Variants in PEAK1 observed in about 807,000 individuals in gnomAD.
The protein encoded by PEAK1 is pseudopodium enriched atypical kinase 1.
PEAK1 carries 54 observed loss-of-function variants against 124.7 expected under a neutral mutation model. That is an observed-to-expected ratio of 0.43 (90% CI 0.35 to 0.54). The LOEUF (loss-of-function observed/expected upper bound fraction) is 0.54, where lower values mean the gene tolerates loss of function less well. Among genes scored for constraint, PEAK1 ranks in the 20% least tolerant of loss-of-function variants. The pLI is 0.01. For missense variants in PEAK1, 2,046 were observed against 2,134.5 expected (o/e 0.96, Z 0.82); for synonymous variants, 719 against 760.0 (o/e 0.95, Z 0.89).
chr15:77,350,403 T>C (rs1348100316), intron 2 of PEAK1: 2 of 985,266 alleles, frequency 2.0e-6, no homozygotes, highest in African/African-American at 3.5e-5. Flanking sequence ...GCAAGGACTA[T>C]CACTGAATAG....
intron 6 of PEAK1, among the ~76,000 whole-genome samples, chr15:77,197,723 C>G (rs2058176015): frequency 6.6e-6 from 1 of 152,118 alleles, no homozygotes; most frequent in Non-Finnish European, 1.5e-5. Context: ...GAACTAAGAA[C>G]TCTGACTAAC....
chr15:77,174,785 C>T (rs1596468498), intron 7 of PEAK1, among the ~76,000 whole-genome samples: 1 of 152,182 alleles, frequency 6.6e-6, no homozygotes, highest in Non-Finnish European at 1.5e-5. Context: ...AAAGAGCCCG[C>T]ATTGCCAAGT....
intron 1 of PEAK1, among the ~76,000 whole-genome samples, chr15:77,388,907 ATTAAC>A (rs1486575729): frequency 1.3e-5 from 2 of 148,952 alleles, no homozygotes; most frequent in South Asian, 2.1e-4. Context: ...TTCCACATTT[ATTAAC>A]TTAACTTTCT....
chr15:77,160,066 G>T (rs1037000164), intron 7 of PEAK1, among the ~76,000 whole-genome samples: 1 of 151,898 alleles, frequency 6.6e-6, no homozygotes, highest in African/African-American at 2.4e-5. Flanking sequence ...TATAAAGGAG[G>T]CCTCACACAG....
At chr15:77,369,565 C>T (rs1178746694) in intron 1 of PEAK1, among the ~76,000 whole-genome samples, 2 of 152,040 alleles carry the variant, frequency 1.3e-5, no homozygotes, top group African/African-American at 2.4e-5. Context: ...ATGGTTTTTA[C>T]GTATTTAAAG....
intron 6 of PEAK1, among the ~76,000 whole-genome samples, chr15:77,210,986 C>T (rs2058877595): frequency 6.6e-6 from 1 of 152,322 alleles, no homozygotes; most frequent in East Asian, 1.9e-4. Flanking sequence ...CCAGGGTTTT[C>T]TACTTCTAGA....
At chr15:77,416,574 C>A (rs2072900416) in intron 1 of PEAK1, among the ~76,000 whole-genome samples, 1 of 152,170 alleles carries the variant, frequency 6.6e-6, no homozygotes, top group Non-Finnish European at 1.5e-5. Context: ...TAAATCCCCG[C>A]AACTTTTGGA....
intron 1 of PEAK1, among the ~76,000 whole-genome samples, chr15:77,406,804 T>C (rs1386406304): frequency 2.0e-5 from 3 of 151,754 alleles, no homozygotes; most frequent in African/African-American, 7.3e-5. Context: ...AAAAAAGAGC[T>C]CACATAGCCA....
chr15:77,180,972 C>T lies in PEAK1; in HGVS notation c.955G>A (p.Gly319Ser), dbSNP rs1028068945. Residue 319 changes from glycine to serine, a missense_variant, in exon 7 of 10, where the codon GGT (glycine) becomes AGT (serine). Physicochemically the swap from Gly to Ser is moderately conservative, Grantham distance 56 (BLOSUM62 0). Transcript: ENST00000682557. Reference sequence around the variant, plus strand: ...GAGACCACAGAATTTTCCTCATAACCATTCAGGATTTCATCATAGCTGTCA... The same window carrying T: ...GAGACCACAGAATTTTCCTCATAACTATTCAGGATTTCATCATAGCTGTCA... ...YDDSYDEILN[G>S]YEENSVVSYG... 1.9e-6 allele frequency: 3 copies of T among 1,614,124 alleles called. No homozygotes were observed. Among genetic ancestry groups the T allele is most frequent in the South Asian group, 1.1e-5 (1 of 91,074 alleles).
chr15:77,323,078 C>G (rs1379583558), intron 2 of PEAK1, among the ~76,000 whole-genome samples: 1 of 151,996 alleles, frequency 6.6e-6, no homozygotes, highest in Non-Finnish European at 1.5e-5. Flanking sequence ...TGACAAAATT[C>G]AACAACCTTC....
At chr15:77,352,810 A>G in intron 2 of PEAK1, 1 of 984,974 alleles carries the variant, frequency 1.0e-6, no homozygotes, top group Non-Finnish European at 1.2e-6. Context: ...AAGCAATTTG[A>G]AGATAGATGT....
intron 6 of PEAK1, among the ~76,000 whole-genome samples, chr15:77,187,447 A>G (rs2057603212): frequency 6.6e-6 from 1 of 152,196 alleles, no homozygotes; most frequent in African/African-American, 2.4e-5. Context: ...AATACAAAAA[A>G]ACAACAAACA....
intron 6 of PEAK1, among the ~76,000 whole-genome samples, chr15:77,229,277 T>A (rs2059805122): frequency 6.6e-6 from 1 of 152,198 alleles, no homozygotes; most frequent in African/African-American, 2.4e-5. Flanking sequence ...TGGCTAGTAA[T>A]AACCTGCAGA....
chr15:77,125,355 T>TA (rs1361880013), intron 9 of PEAK1, among the ~76,000 whole-genome samples: 1 of 152,140 alleles, frequency 6.6e-6, no homozygotes, highest in Non-Finnish European at 1.5e-5. Context: ...CTCAGAAAAT[T>TA]AAAGTAGAAA....
chr15:77,179,102 T>A lies in PEAK1; in HGVS notation c.2825A>T (p.Asp942Val). The change falls in exon 7 of 10, where the codon GAC becomes GTC. Residue 942 changes from aspartate (D) to valine (V), a missense_variant. Physicochemically the swap from Asp to Val is radical, Grantham distance 152. Transcript: ENST00000682557. ...FRRRKTDEED[D>V]KEKEREKGKL... ...CCCTTTCTCTCGCTCTTTCTCTTTGTCATCCTCCTCATCTGTTTTCCGACG... is the reference window on the plus strand; with the variant it reads ...CCCTTTCTCTCGCTCTTTCTCTTTGACATCCTCCTCATCTGTTTTCCGACG... The A allele has an allele frequency of 6.2e-7, 1 of 1,614,214 alleles. No homozygotes were observed. The highest frequency in any genetic ancestry group is 8.5e-7 in the Non-Finnish European group (1 of 1,180,040).
In PEAK1 at chr15:77,133,651, G is replaced by A; in HGVS notation, c.3431C>T (p.Ala1144Val). Residue 1144 changes from alanine (A) to valine (V), a missense_variant, in exon 9 of 10, where the codon GCA (alanine) becomes GTA (valine). By Grantham distance (64) the Ala-to-Val change is moderately conservative (BLOSUM62 0). Coordinates refer to ENST00000682557, the MANE Select transcript of PEAK1 (RefSeq NM_001385026.1). This position sits in a 1 kb window ranked among gnomAD's most constrained non-coding sequence, Gnocchi z 4.2. ...TGGTGTAGGTTGGGAAGCATTGGGTGCTTCTTGGTCTGTTTTCCCTCCAAA... is the reference window on the plus strand; with the variant it reads ...TGGTGTAGGTTGGGAAGCATTGGGTACTTCTTGGTCTGTTTTCCCTCCAAA... ...IAFGGKTDQE[A>V]PNASQPTPPP... 2 of 1,614,144 alleles carry A rather than the reference G, an allele frequency of 1.2e-6. No homozygotes were observed. Among genetic ancestry groups the A allele is most frequent in the Non-Finnish European group, 1.7e-6 (2 of 1,180,022 alleles).
At chr15:77,150,593 T>C (rs994721058) in intron 8 of PEAK1, among the ~76,000 whole-genome samples, 16 of 152,046 alleles carry the variant, frequency 1.1e-4, no homozygotes, top group Admixed American at 2.0e-4. Context: ...ACATGTGCCA[T>C]GTTGGTGTGC....
At chr15:77,400,160 T>A (rs888413563) in intron 1 of PEAK1, among the ~76,000 whole-genome samples, 1 of 152,120 alleles carries the variant, frequency 6.6e-6, no homozygotes, top group African/African-American at 2.4e-5. Context: ...CAATAATAAC[T>A]GCCGGCAAGA....
chr15:77,237,958 T>C (rs1185068947), intron 6 of PEAK1, among the ~76,000 whole-genome samples: 4 of 152,210 alleles, frequency 2.6e-5, no homozygotes, highest in Admixed American at 2.6e-4. Flanking sequence ...TTCAAACTGA[T>C]TTGAGAGGCT....
Sources: gnomAD v4.1 joint callset for allele counts (sites outside exome capture counted in the v4.1 genomes callset) on GRCh38, gnomAD v4.1.1 for gene constraint, Gnocchi (gnomAD v3.1) non-coding constraint, MANE v1.5 for transcripts, NCBI Gene and HGNC (gene_info 2026-07-23, HGNC 2026-07-21) for gene names.